PLCB4: variants seen among roughly 807,000 people sequenced by gnomAD.
The protein encoded by PLCB4 is phospholipase C beta 4.
PLCB4 carries 77 observed loss-of-function variants against 178.8 expected under a neutral mutation model. The ratio of observed to expected loss-of-function variants is 0.43; its 90% CI spans 0.36 to 0.52. PLCB4 has a LOEUF of 0.52. PLCB4 is among the 20% of genes least tolerant of loss of function. The pLI, the probability that PLCB4 is intolerant of heterozygous loss-of-function variation, is 0.00. For synonymous variants in PLCB4, 496 were observed against 490.8 expected, an observed-to-expected ratio of 1.01 and a Z score of -0.14; for missense variants, 1,024 against 1,453.4, an observed-to-expected ratio of 0.70 and a Z score of 4.80.
At chr20:9,465,161 C>T (rs146436714) in intron 35 of PLCB4, among the ~76,000 whole-genome samples, 3,400 of 152,216 alleles carry the variant, frequency 0.022, 137 homozygotes, top group African/African-American at 0.076. Context: ...TAATCCATCA[C>T]GTAAACAGAA....
chr20:9,091,002 G>A (rs570880709), intron 1 of PLCB4, among the ~76,000 whole-genome samples: 8 of 152,092 alleles, frequency 5.3e-5, no homozygotes, highest in African/African-American at 1.9e-4. Context: ...CAATCAATTC[G>A]ATATGTTGTA....
intron 2 of PLCB4, among the ~76,000 whole-genome samples, chr20:9,132,788 C>T (rs899424640): frequency 6.6e-6 from 1 of 152,198 alleles, no homozygotes; most frequent in East Asian, 1.9e-4. Flanking sequence ...AATAGCTCCT[C>T]ACTGCCTCTA....
At chr20:9,428,248 A>G (rs2148605161) in intron 28 of PLCB4, among the ~76,000 whole-genome samples, 1 of 152,286 alleles carries the variant, frequency 6.6e-6, no homozygotes, top group African/African-American at 2.4e-5. Flanking sequence ...GTCATATTTT[A>G]TTAAATATTT....
At position 9,082,054 on chromosome 20, in the gene PLCB4, C is replaced by T. The variant is rs553066612; in HGVS notation, c.-135+12848C>T. ...TATTGTTTTTCCTATTTTATGAGTTCGATTTTAATCAAGTTATTCTTATTT... is the reference window on the plus strand; with the variant it reads ...TATTGTTTTTCCTATTTTATGAGTTTGATTTTAATCAAGTTATTCTTATTT... On this transcript the variant is annotated intron_variant, in intron 1 of 39. Transcript: ENST00000378473. Among the ~76,000 whole-genome samples the T allele has an allele frequency of 1.4e-4, 21 of 150,360 alleles. No homozygotes were observed. The South Asian group carries it at 3.6e-3, about 26-fold the overall frequency.
intron 32 of PLCB4, among the ~76,000 whole-genome samples, chr20:9,447,173 G>A (rs2042464165): frequency 6.6e-6 from 1 of 152,114 alleles, no homozygotes; most frequent in Non-Finnish European, 1.5e-5. Context: ...TATGAGTTTT[G>A]TATCTGTTAG....
intron 33 of PLCB4, among the ~76,000 whole-genome samples, chr20:9,456,613 C>T (rs2043073072): frequency 6.6e-6 from 1 of 152,132 alleles, no homozygotes; most frequent in Non-Finnish European, 1.5e-5. Context: ...AGAATTAAGT[C>T]ACGGGAATGT....
intron 2 of PLCB4, among the ~76,000 whole-genome samples, chr20:9,124,885 T>TA (rs1383477373): frequency 2.0e-5 from 3 of 152,368 alleles, no homozygotes; most frequent in African/African-American, 7.2e-5. Flanking sequence ...CAATTGTTTT[T>TA]ATCTCCTGTA....
At chr20:9,355,762 T>C (rs2034755809) in intron 7 of PLCB4, among the ~76,000 whole-genome samples, 1 of 152,044 alleles carries the variant, frequency 6.6e-6, no homozygotes, top group African/African-American at 2.4e-5. Context: ...AACATATGTG[T>C]GCATGTGTCT....
At chr20:9,261,453 T>C (rs1265718170) in intron 3 of PLCB4, among the ~76,000 whole-genome samples, 1 of 152,204 alleles carries the variant, frequency 6.6e-6, no homozygotes, top group African/African-American at 2.4e-5. Context: ...GGAAATATGC[T>C]GTGCATATGA....
chr20:9,379,903 G>A lies in PLCB4; in HGVS notation c.745-151G>A, dbSNP rs2036997226. On this transcript the variant is annotated intron_variant, in intron 12 of 39. Coordinates refer to ENST00000378473, the MANE Select transcript of PLCB4 (RefSeq NM_001377142.1). Reference sequence around the variant, plus strand: ...TGGACTTTTTGAAGTATACTTTAAGGAGAAAGGCAGGAAGGCAGTGAGGTC... The same window carrying A: ...TGGACTTTTTGAAGTATACTTTAAGAAGAAAGGCAGGAAGGCAGTGAGGTC... The A allele has an allele frequency of 1.7e-5, 9 of 516,726 alleles. No individual in the cohort carries two copies. In the South Asian group the frequency reaches 2.8e-4, roughly 16 times the overall value. 32.0% of individuals were successfully genotyped at this position (516,726 alleles called of 1,614,324 possible). A position where few individuals can be genotyped will look rare whatever the true frequency, so the allele number is the denominator to read the frequency against.
At chr20:9,382,973 A>C (rs757439281) in intron 13 of PLCB4, among the ~76,000 whole-genome samples, 45 of 152,310 alleles carry the variant, frequency 3.0e-4, no homozygotes, top group Non-Finnish European at 5.0e-4. Context: ...CCATCAACCA[A>C]ATAATGGATA....
At chr20:9,460,856 A>G (rs2043343785) in intron 35 of PLCB4, among the ~76,000 whole-genome samples, 1 of 152,202 alleles carries the variant, frequency 6.6e-6, no homozygotes, top group Non-Finnish European at 1.5e-5. Context: ...CTGGTTTCCC[A>G]TTCTCATTTG....
At chr20:9,435,132 C>T (rs1351430293) in intron 28 of PLCB4, among the ~76,000 whole-genome samples, 1 of 152,140 alleles carries the variant, frequency 6.6e-6, no homozygotes, top group East Asian at 1.9e-4. Flanking sequence ...TTTTTGTGTT[C>T]ATCATCTCAT....
chr20:9,224,538 A>T (rs2093840121), intron 3 of PLCB4, among the ~76,000 whole-genome samples: 1 of 152,228 alleles, frequency 6.6e-6, no homozygotes, highest in African/African-American at 2.4e-5. Flanking sequence ...AGCAAAAACA[A>T]AAAGGAGGAA....
At chr20:9,228,463 A>G (rs1430965744) in intron 3 of PLCB4, among the ~76,000 whole-genome samples, 5 of 152,108 alleles carry the variant, frequency 3.3e-5, no homozygotes, top group Non-Finnish European at 7.4e-5. Flanking sequence ...GATCCTTAGC[A>G]ACTACTCTTT....
chr20:9,360,413 C>T (rs1291815563), intron 7 of PLCB4, among the ~76,000 whole-genome samples: 2 of 151,706 alleles, frequency 1.3e-5, no homozygotes, highest in South Asian at 2.1e-4. Context: ...TAATTTATTT[C>T]GACAAACAAC....
chr20:9,416,546 T>A (rs2065507688), intron 25 of PLCB4, among the ~76,000 whole-genome samples: 1 of 152,206 alleles, frequency 6.6e-6, no homozygotes, highest in South Asian at 2.1e-4. Context: ...GCTGGTGGGC[T>A]TCCCTCGGAG....
intron 33 of PLCB4, among the ~76,000 whole-genome samples, chr20:9,454,906 G>A (rs2042968388): frequency 6.6e-6 from 1 of 152,058 alleles, no homozygotes; most frequent in South Asian, 2.1e-4. Flanking sequence ...TGTTTTCCCC[G>A]TAGGTTTCAC....
intron 1 of PLCB4, among the ~76,000 whole-genome samples, chr20:9,073,996 TG>T (rs776034053): frequency 2.0e-5 from 3 of 152,146 alleles, no homozygotes; most frequent in South Asian, 4.1e-4. Context: ...GCTCGAGAAA[TG>T]CTTCCTCCCA....
Sources: allele counts gnomAD v4.1 joint callset (sites outside exome capture counted in the v4.1 genomes callset), GRCh38; gene constraint gnomAD v4.1.1; transcripts MANE v1.5; gene names NCBI Gene and HGNC (gene_info 2026-07-23, HGNC 2026-07-21).